Variants in KLHL29 observed in about 807,000 individuals in gnomAD.
The protein encoded by KLHL29 is kelch like family member 29.
A neutral mutation model predicts 80.4 loss-of-function variants in KLHL29; 21 were observed. That is an observed-to-expected ratio of 0.26 (90% CI 0.19 to 0.38). KLHL29 has a LOEUF of 0.38. KLHL29 is among the 10% of genes least tolerant of loss of function. The probability of loss-of-function intolerance (pLI) is 1.00; values close to 1 mark genes in which losing one functional copy is unlikely to be tolerated. For missense variants in KLHL29, 867 were observed against 1,223.9 expected, an observed-to-expected ratio of 0.71 and a Z score of 4.35; for synonymous variants, 511 against 526.8, an observed-to-expected ratio of 0.97 and a Z score of 0.41.
rs528811470 is a variant in KLHL29 at position 23,400,456 on chromosome 2, A to C, written c.-154+14676A>C. On this transcript the variant is annotated intron_variant, in intron 1 of 13. Transcript: ENST00000486442. ...TTCTTGGGTGAGTTTGTAGCCTCTG[A>C]GTCCAACACTGAGGTCAGTGTCTCC... Among the ~76,000 whole-genome samples the C allele has an allele frequency of 1.6e-4, 25 of 152,238 alleles. No homozygotes were observed. In the East Asian group the frequency reaches 4.4e-3, roughly 27 times the overall value.
intron 3 of KLHL29, among the ~76,000 whole-genome samples, chr2:23,575,727 G>A (rs532734273): frequency 7.4e-4 from 113 of 152,330 alleles, no homozygotes; most frequent in African/African-American, 2.6e-3. Flanking sequence ...CCCCTGCTTT[G>A]AAGGTGAGTT....
chr2:23,388,949 CTCCTTTTTGCTTCCT>C (rs1425479652), intron 1 of KLHL29, among the ~76,000 whole-genome samples: 15 of 149,000 alleles, frequency 1.0e-4, no homozygotes, highest in Non-Finnish European at 2.1e-4. Flanking sequence ...TCCTTCCTTC[CTCCTTTTTGCTTCCT>C]TCCTTTTTTT....
Position 23,706,911 on chromosome 2 carries a change from CAG to C in KLHL29, c.*248_*249del. 1 of 418,276 alleles carries C rather than the reference CAG, an allele frequency of 2.4e-6. No individual in the cohort carries two copies. 25.9% of individuals were successfully genotyped at this position (418,276 alleles called of 1,614,324 possible). On this transcript the variant is annotated 3_prime_UTR_variant, in exon 14 of 14. Coordinates refer to ENST00000486442, the MANE Select transcript of KLHL29 (RefSeq NM_052920.2). The stretch of plus-strand genomic sequence containing the variant: ...GCCATGGGGCTGGCTGCCTCCTGAA[CAG>C]GGGCGCTCGCTCTGCCAGGTGCAAT...
intron 2 of KLHL29, among the ~76,000 whole-genome samples, chr2:23,551,208 T>C (rs989252123): frequency 6.6e-6 from 1 of 152,258 alleles, no homozygotes; most frequent in Admixed American, 6.5e-5. Flanking sequence ...TACGCTGATA[T>C]TGTGTTGCCA....
chr2:23,554,257 G>C (rs1314691499), intron 2 of KLHL29, among the ~76,000 whole-genome samples: 1 of 152,244 alleles, frequency 6.6e-6, no homozygotes, highest in Non-Finnish European at 1.5e-5. Flanking sequence ...CCAGAAGAAA[G>C]GCTAAAAGAT....
chr2:23,616,712 G>A (rs1309094638), intron 3 of KLHL29: 1 of 152,184 alleles, frequency 6.6e-6, no homozygotes, highest in Non-Finnish European at 1.5e-5. Flanking sequence ...TTCTGGAAAT[G>A]AGCGAACGGG....
chr2:23,523,053 AG>A (rs1666156992), intron 2 of KLHL29, among the ~76,000 whole-genome samples: 1 of 111,270 alleles, frequency 9.0e-6, no homozygotes, highest in African/African-American at 3.4e-5. Flanking sequence ...TTTAGTGGGG[AG>A]GGGGGATGGT....
chr2:23,631,446 T>C (rs1311953413), intron 3 of KLHL29, among the ~76,000 whole-genome samples: 1 of 152,230 alleles, frequency 6.6e-6, no homozygotes, highest in African/African-American at 2.4e-5. Flanking sequence ...GTTTCCGGCA[T>C]GCGAGCCAGA....
intron 3 of KLHL29, among the ~76,000 whole-genome samples, chr2:23,601,107 A>T (rs1222178237): frequency 6.6e-6 from 1 of 152,182 alleles, no homozygotes; most frequent in Non-Finnish European, 1.5e-5. Flanking sequence ...ATTGGGGTCT[A>T]TCCTGCCCCC....
intron 2 of KLHL29, among the ~76,000 whole-genome samples, chr2:23,506,538 T>C (rs955703572): frequency 2.6e-4 from 40 of 152,226 alleles, no homozygotes; most frequent in African/African-American, 9.4e-4. Flanking sequence ...ACAAGGACCC[T>C]AGCTCCTCCC....
intron 2 of KLHL29, among the ~76,000 whole-genome samples, chr2:23,550,095 A>G (rs7596142): frequency 0.18 from 28,064 of 151,886 alleles, 4,374 homozygotes; most frequent in African/African-American, 0.41. Context: ...GCCCTCCTGA[A>G]CAGCCCTCCC....
intron 2 of KLHL29, among the ~76,000 whole-genome samples, chr2:23,551,201 G>T (rs150159500): frequency 6.6e-6 from 1 of 152,108 alleles, no homozygotes; most frequent in African/African-American, 2.4e-5. Flanking sequence ...CTCAGTTTAC[G>T]CTGATATTGT....
At chr2:23,634,784 T>A (rs1240998666) in intron 3 of KLHL29, among the ~76,000 whole-genome samples, 1 of 152,206 alleles carries the variant, frequency 6.6e-6, no homozygotes, top group East Asian at 1.9e-4. Flanking sequence ...GCACCCCCAA[T>A]GAGGGAACCG....
chr2:23,437,474 G>A (rs1472150535), intron 1 of KLHL29, among the ~76,000 whole-genome samples: 1 of 152,180 alleles, frequency 6.6e-6, no homozygotes, highest in Admixed American at 6.5e-5. Flanking sequence ...AATTCAGAAA[G>A]GAATTAGTAG....
At chr2:23,673,744 C>T (rs1031233261) in intron 5 of KLHL29, among the ~76,000 whole-genome samples, 1 of 151,496 alleles carries the variant, frequency 6.6e-6, no homozygotes, top group African/African-American at 2.4e-5. Flanking sequence ...CACAGGGGTG[C>T]ATGCACACAC....
chr2:23,513,492 C>G (rs1456720855), intron 2 of KLHL29, among the ~76,000 whole-genome samples: 1 of 152,176 alleles, frequency 6.6e-6, no homozygotes, highest in African/African-American at 2.4e-5. Context: ...TCTGCTAGAA[C>G]CAGGCAGGTT....
chr2:23,687,153 C>T (rs1448252591), intron 6 of KLHL29, among the ~76,000 whole-genome samples: 1 of 152,194 alleles, frequency 6.6e-6, no homozygotes, highest in Non-Finnish European at 1.5e-5. Context: ...GCTCCACGCT[C>T]AGGCAGCTGC....
At chr2:23,521,536 G>T (rs1411971509) in intron 2 of KLHL29, among the ~76,000 whole-genome samples, 2 of 152,170 alleles carry the variant, frequency 1.3e-5, no homozygotes, top group Non-Finnish European at 2.9e-5. Flanking sequence ...AGCTCCCTCA[G>T]CATCCTCAGG....
chr2:23,602,613 ATTTTT>A (rs3028904), intron 3 of KLHL29, among the ~76,000 whole-genome samples: 2 of 140,318 alleles, frequency 1.4e-5, no homozygotes, highest in Non-Finnish European at 1.5e-5. Context: ...CTCTACGTGA[ATTTTT>A]TTTTTTTTTT....
Sources: gnomAD v4.1 joint callset for allele counts (sites outside exome capture counted in the v4.1 genomes callset) on GRCh38, gnomAD v4.1.1 for gene constraint, MANE v1.5 for transcripts, NCBI Gene and HGNC (gene_info 2026-07-23, HGNC 2026-07-21) for gene names.